CCDC68: variants seen among roughly 807,000 people sequenced by gnomAD.
CCDC68 encodes coiled-coil domain-containing protein 68.
A neutral mutation model predicts 47.1 loss-of-function variants in CCDC68; 45 were observed. The ratio of observed to expected loss-of-function variants is 0.96; its 90% CI spans 0.75 to 1.23. The LOEUF (loss-of-function observed/expected upper bound fraction) is 1.23, where lower values mean the gene tolerates loss of function less well. Among genes scored for constraint, CCDC68 ranks in the 50% most tolerant of loss-of-function variants. CCDC68 has a pLI of 0.00. For missense variants in CCDC68, 353 were observed against 373.6 expected (o/e 0.94, Z 0.45); for synonymous variants, 131 against 129.5 (o/e 1.01, Z -0.08).
intron 10 of CCDC68, among the ~76,000 whole-genome samples, chr18:54,911,125 T>A (rs1387099522): frequency 2.6e-5 from 4 of 152,154 alleles, no homozygotes; most frequent in African/African-American, 9.7e-5. Flanking sequence ...CACTGCAACC[T>A]CCACCTCCAC....
intron 10 of CCDC68, among the ~76,000 whole-genome samples, chr18:54,910,165 G>A (rs184932209): frequency 1.2e-4 from 18 of 152,332 alleles, no homozygotes; most frequent in African/African-American, 4.1e-4. Flanking sequence ...TAGCAGAGAA[G>A]GTAGCTCCTC....
intron 4 of CCDC68, among the ~76,000 whole-genome samples, chr18:54,938,857 A>C (rs533257673): frequency 6.6e-6 from 1 of 152,216 alleles, no homozygotes; most frequent in African/African-American, 2.4e-5. Context: ...CATACACTAC[A>C]ATTATAATAA....
chr18:54,951,846 A>C (rs11664597), intron 1 of CCDC68, among the ~76,000 whole-genome samples: 34,890 of 152,002 alleles, frequency 0.23, 4,424 homozygotes, highest in African/African-American at 0.35. Context: ...TGCCTACAAG[A>C]CTCTGTTCCA....
chr18:54,908,997 A>AC (rs758578539), intron 10 of CCDC68, among the ~76,000 whole-genome samples: 5 of 152,072 alleles, frequency 3.3e-5, no homozygotes, highest in Non-Finnish European at 7.4e-5. Context: ...GGTGTGAGCA[A>AC]CCGCACTCAG....
intron 10 of CCDC68, among the ~76,000 whole-genome samples, chr18:54,916,560 T>A (rs2043955685): frequency 6.6e-6 from 1 of 151,902 alleles, no homozygotes; most frequent in Non-Finnish European, 1.5e-5. Flanking sequence ...GTAGAACAGG[T>A]GAACAGCTCC....
At chr18:54,943,241 G>A (rs1411377821) in intron 2 of CCDC68, among the ~76,000 whole-genome samples, 1 of 151,994 alleles carries the variant, frequency 6.6e-6, no homozygotes, top group Non-Finnish European at 1.5e-5. Context: ...TTACTATTAG[G>A]AGAACTAATA....
rs1483687418 is a variant in CCDC68 at position 54,902,464 on chromosome 18, T to C, written c.*1894A>G. Reference sequence around the variant, plus strand: ...ATACTTAAAGCAGGACTCATGATCCTAATTTTCCTACAAGTGTGCCTGAAA... The same window carrying C: ...ATACTTAAAGCAGGACTCATGATCCCAATTTTCCTACAAGTGTGCCTGAAA... On this transcript the variant is annotated 3_prime_UTR_variant, in exon 12 of 12. Coordinates refer to ENST00000591504, the MANE Select transcript of CCDC68 (RefSeq NM_025214.3). The C allele has an allele frequency of 6.6e-6, 1 of 152,250 alleles. No individual in the cohort carries two copies. Among genetic ancestry groups the C allele is most frequent in the Non-Finnish European group, 1.5e-5 (1 of 68,044 alleles). The allele number at this position is 152,250 out of a possible 1,614,324, so 9.4% of individuals were successfully genotyped here.
intron 1 of CCDC68, among the ~76,000 whole-genome samples, chr18:54,950,683 T>C (rs1378701629): frequency 2.0e-5 from 3 of 151,744 alleles, no homozygotes; most frequent in Non-Finnish European, 4.4e-5. Flanking sequence ...AAACACAATA[T>C]ATAAATATGT....
chr18:54,950,611 C>A (rs2044596673), intron 1 of CCDC68, among the ~76,000 whole-genome samples: 1 of 151,934 alleles, frequency 6.6e-6, no homozygotes, highest in South Asian at 2.1e-4. Context: ...ATAGCCAGTG[C>A]TATAGAAAAT....
At chr18:54,941,356 G>A (rs1178584932) in intron 3 of CCDC68, among the ~76,000 whole-genome samples, 2 of 152,034 alleles carry the variant, frequency 1.3e-5, no homozygotes, top group Admixed American at 6.6e-5. Flanking sequence ...AAAATTATTA[G>A]TTAGTAATTA....
intron 1 of CCDC68, among the ~76,000 whole-genome samples, chr18:54,947,208 A>T (rs1394906841): frequency 6.6e-6 from 1 of 152,254 alleles, no homozygotes; most frequent in Non-Finnish European, 1.5e-5. Flanking sequence ...TAATTAAAGT[A>T]AGGAAAGACT....
chr18:54,936,760 C>T lies in CCDC68; in HGVS notation c.471+73G>A, dbSNP rs909156687. ...GCCATTGCTTGTTTCATTTCTAACTCTTCTAGAAAGATGAACTTCAACAGC... is the reference window on the plus strand; with the variant it reads ...GCCATTGCTTGTTTCATTTCTAACTTTTCTAGAAAGATGAACTTCAACAGC... On this transcript the variant is annotated intron_variant, in intron 6 of 11. Transcript: ENST00000591504. 4 of 1,582,912 alleles carry T rather than the reference C, an allele frequency of 2.5e-6. No individual in the cohort carries two copies. The African/African-American group carries it at 5.4e-5, about 21-fold the overall frequency.
intron 7 of CCDC68, among the ~76,000 whole-genome samples, chr18:54,934,010 G>A (rs1568150222): frequency 6.6e-6 from 1 of 152,098 alleles, no homozygotes; most frequent in African/African-American, 2.4e-5. Context: ...ACAAATTAAA[G>A]CTAAAAAGAA....
In CCDC68 at chr18:54,914,689, C is replaced by G. The variant is rs541832344; in HGVS notation, c.873+3224G>C. Among the ~76,000 whole-genome samples the G allele has an allele frequency of 1.2e-4, 18 of 152,250 alleles. No individual in the cohort carries two copies. In the East Asian group the frequency reaches 3.3e-3, roughly 28 times the overall value. On this transcript the variant is annotated intron_variant, in intron 10 of 11. Coordinates refer to ENST00000591504, the MANE Select transcript of CCDC68 (RefSeq NM_025214.3). The stretch of plus-strand genomic sequence containing the variant: ...TGAGCTACGTACAGAGACTCTAAGA[C>G]AACACTGAGAGGTTCTGTCACATTA...
At chr18:54,904,503 CT>C in intron 11 of CCDC68, 88 bp from the exon 12 acceptor site, 1 of 1,013,344 alleles carries the variant, frequency 9.9e-7, no homozygotes, top group Non-Finnish European at 1.5e-6. Flanking sequence ...TACCACAATA[CT>C]ATTCACATCA....
rs1459665134 is a variant in CCDC68, at chr18:54,902,177, CTG to C, written c.*2179_*2180del. On this transcript the variant is annotated 3_prime_UTR_variant, in exon 12 of 12. Coordinates refer to ENST00000591504, the MANE Select transcript of CCDC68 (RefSeq NM_025214.3). ...CTCTTTCACTGTCATAATTTCCTCACTGTTATCATTTTTGCATAGGTGGTTTC... is the reference window on the plus strand; with the variant it reads ...CTCTTTCACTGTCATAATTTCCTCACTTATCATTTTTGCATAGGTGGTTTC... The C allele has an allele frequency of 1.3e-5, 2 of 152,212 alleles. No individual in the cohort carries two copies. The highest frequency in any genetic ancestry group is 2.9e-5 in the Non-Finnish European group (2 of 68,032). The allele number at this position is 152,212 out of a possible 1,614,324, so 9.4% of individuals were successfully genotyped here.
intron 7 of CCDC68, among the ~76,000 whole-genome samples, chr18:54,930,179 T>C (rs1217187966): frequency 1.3e-5 from 2 of 152,200 alleles, no homozygotes; most frequent in Admixed American, 6.5e-5. Flanking sequence ...AAAATGCCTA[T>C]AAATGGCTAG....
At chr18:54,925,609 G>T (rs190441501) in intron 8 of CCDC68, among the ~76,000 whole-genome samples, 26 of 152,304 alleles carry the variant, frequency 1.7e-4, no homozygotes, top group Admixed American at 1.6e-3. Context: ...TTGGAAATGT[G>T]AATAGCCCTA....
chr18:54,955,953 A>G lies in CCDC68; in HGVS notation c.-103+3383T>C, dbSNP rs111737272. ...TGGCCAGGCTGGTCTCCAACTCCTG[A>G]CCTCAGGTGATCCACCTGCCTCAGC... On this transcript the variant is annotated intron_variant, in intron 1 of 11. Transcript: ENST00000591504. Among the ~76,000 whole-genome samples the G allele has an allele frequency of 4.4e-3, 666 of 150,644 alleles. 8 individuals are homozygous for G. Among genetic ancestry groups the G allele is most frequent in the African/African-American group, 0.016 (631 of 40,402 alleles).
Sources: gnomAD v4.1 joint callset for allele counts (sites outside exome capture counted in the v4.1 genomes callset) on GRCh38, gnomAD v4.1.1 for gene constraint, MANE v1.5 for transcripts, NCBI Gene and HGNC (gene_info 2026-07-23, HGNC 2026-07-21) for gene names.